NR6A1: variants seen among roughly 807,000 people sequenced by gnomAD.
The protein encoded by NR6A1 is retinoic acid receptor-related testis-associated receptor.
In NR6A1, 7 loss-of-function variants were observed where a neutral mutation model predicts 59.1. That is an observed-to-expected ratio of 0.12 (90% confidence interval 0.07 to 0.22). The LOEUF (loss-of-function observed/expected upper bound fraction) is 0.22. Ranked by LOEUF, NR6A1 falls within the 10% of genes least tolerant of loss-of-function variation. The pLI is 1.00. For missense variants in NR6A1, 468 were observed against 611.6 expected (o/e 0.77, Z 2.48); for synonymous variants, 243 against 236.1 (o/e 1.03, Z -0.27).
At chr9:124,693,649 T>C in intron 2 of NR6A1, 1 of 520,410 alleles carries the variant, frequency 1.9e-6, no homozygotes, top group Non-Finnish European at 4.0e-6. Flanking sequence ...AGAACTGAGA[T>C]GGAAAAGAAG....
intron 2 of NR6A1, among the ~76,000 whole-genome samples, chr9:124,627,548 T>C (rs1162793411): frequency 6.6e-6 from 1 of 152,178 alleles, no homozygotes; most frequent in East Asian, 1.9e-4. Flanking sequence ...GTAAAGAACA[T>C]CTTAGCAAAT....
At position 124,586,971 on chromosome 9, in the gene NR6A1, G is replaced by A. The variant is rs75002558; in HGVS notation, c.143-32401C>T. ...GAATAAAATGCTATTAAACAGCATC[G>A]CATGCTACAGAGAAATTTTTCATGA... On this transcript the variant is annotated intron_variant, in intron 2 of 9. Coordinates refer to ENST00000487099, the MANE Select transcript of NR6A1 (RefSeq NM_033334.4). 4.3e-3 allele frequency among the ~76,000 whole-genome samples: 655 copies of A among 152,270 alleles called. 3 individuals carry two copies. The highest frequency in any genetic ancestry group is 6.2e-3 in the Non-Finnish European group (425 of 68,016).
chr9:124,628,935 C>T (rs1836338525), intron 2 of NR6A1, among the ~76,000 whole-genome samples: 2 of 152,208 alleles, frequency 1.3e-5, no homozygotes, highest in African/African-American at 2.4e-5. Flanking sequence ...GCTAGGATTA[C>T]AGGCGCGAGC....
intron 1 of NR6A1, among the ~76,000 whole-genome samples, chr9:124,766,462 A>T (rs1173104411): frequency 6.6e-6 from 1 of 152,232 alleles, no homozygotes; most frequent in Non-Finnish European, 1.5e-5. Flanking sequence ...ATTGAAATAC[A>T]AGCGTGTTTA....
intron 1 of NR6A1, among the ~76,000 whole-genome samples, chr9:124,764,288 G>A (rs1840867674): frequency 6.6e-6 from 1 of 152,044 alleles, no homozygotes; most frequent in Non-Finnish European, 1.5e-5. Flanking sequence ...AATGTTTCCT[G>A]AGCTCTAAAC....
intron 2 of NR6A1, among the ~76,000 whole-genome samples, chr9:124,670,500 CTT>C (rs1326213473): frequency 6.7e-6 from 1 of 149,158 alleles, no homozygotes; most frequent in East Asian, 1.9e-4. Flanking sequence ...AATGAAAAGT[CTT>C]AGTATTAAAT....
chr9:124,721,514 T>A (rs1839563327), intron 2 of NR6A1, among the ~76,000 whole-genome samples: 1 of 152,146 alleles, frequency 6.6e-6, no homozygotes, highest in Non-Finnish European at 1.5e-5. Flanking sequence ...ACTAACAGTG[T>A]TGCAGAGAAA....
intron 2 of NR6A1, chr9:124,693,717 C>T: frequency 1.9e-6 from 1 of 534,542 alleles, no homozygotes; most frequent in South Asian, 1.4e-5. Flanking sequence ...ACACTGATGG[C>T]TGCACTCAAC....
intron 8 of NR6A1, among the ~76,000 whole-genome samples, chr9:124,525,283 A>AC (rs2131318549): frequency 8.4e-6 from 1 of 118,758 alleles, no homozygotes; most frequent in South Asian, 3.3e-4. Flanking sequence ...CATGCTTGTA[A>AC]AACACACACA....
intron 2 of NR6A1, among the ~76,000 whole-genome samples, chr9:124,655,781 A>G (rs1837239800): frequency 6.6e-6 from 1 of 152,242 alleles, no homozygotes; most frequent in Admixed American, 6.5e-5. Flanking sequence ...TTATAAAGTG[A>G]AAAGAGCTTC....
chr9:124,770,667 G>A (rs1841115735), intron 1 of NR6A1, among the ~76,000 whole-genome samples: 1 of 138,708 alleles, frequency 7.2e-6, no homozygotes, highest in South Asian at 2.6e-4. Context: ...AAGACAGGGG[G>A]AGGGGACCCG....
chr9:124,590,061 CAAAAAAAAAAAAAAAAAA>C (rs71372976), intron 2 of NR6A1, among the ~76,000 whole-genome samples: 4 of 30,868 alleles, frequency 1.3e-4, no homozygotes, highest in Non-Finnish European at 2.5e-4. Context: ...AAGACTCTGT[CAAAAAAAAAAAAAAAAAA>C]AAAAAAAAAA....
intron 2 of NR6A1, 56 bp downstream of exon 2, chr9:124,733,252 G>T: frequency 7.9e-7 from 1 of 1,259,956 alleles, no homozygotes; most frequent in Non-Finnish European, 1.2e-6. Flanking sequence ...TCACTTAAAA[G>T]TGTACACACA....
chr9:124,750,679 G>C (rs781776745), intron 1 of NR6A1, among the ~76,000 whole-genome samples: 16 of 152,034 alleles, frequency 1.1e-4, no homozygotes, highest in Non-Finnish European at 2.2e-4. Context: ...AGAATGGCGT[G>C]AACCCAGGAG....
intron 2 of NR6A1, among the ~76,000 whole-genome samples, chr9:124,582,624 T>C (rs894568873): frequency 1.3e-5 from 2 of 151,188 alleles, no homozygotes; most frequent in Non-Finnish European, 2.9e-5. Flanking sequence ...GAGTGGCCCA[T>C]GCCTGTAATC....
chr9:124,608,854 T>C (rs1417007776), intron 2 of NR6A1, among the ~76,000 whole-genome samples: 4 of 152,240 alleles, frequency 2.6e-5, no homozygotes, highest in African/African-American at 9.6e-5. Context: ...TGTGAGATGG[T>C]ATCTCATTAT....
chr9:124,661,874 T>C (rs1159790950), intron 2 of NR6A1, among the ~76,000 whole-genome samples: 5 of 152,222 alleles, frequency 3.3e-5, no homozygotes, highest in Non-Finnish European at 7.3e-5. Context: ...GTGACTATCA[T>C]ATGGGATAGC....
Position 124,643,122 on chromosome 9 carries a change from A to T in NR6A1, c.143-88552T>A, listed in dbSNP as rs1460362687. On this transcript the variant is annotated intron_variant, in intron 2 of 9. Coordinates refer to ENST00000487099, the MANE Select transcript of NR6A1 (RefSeq NM_033334.4). ...CGGGTGGGGGGGGGGAACAAAAACA[A>T]GCTAAAAGACATGACTGACAATGAA... Among the ~76,000 whole-genome samples, 3 of 151,900 alleles carry T rather than the reference A, an allele frequency of 2.0e-5. No individual in the cohort carries two copies. The East Asian group carries it at 5.8e-4, about 30-fold the overall frequency.
At position 124,520,525 on chromosome 9, in the gene NR6A1, C is replaced by T. The variant is rs145150472; in HGVS notation, c.*2180G>A. 7.9e-5 allele frequency: 12 copies of T among 152,350 alleles called. No individual in the cohort carries two copies. In the East Asian group the frequency reaches 2.3e-3, roughly 29 times the overall value. 9.4% of individuals were successfully genotyped at this position (152,350 alleles called of 1,614,324 possible). On this transcript the variant is annotated 3_prime_UTR_variant, in exon 10 of 10. Coordinates refer to ENST00000487099, the MANE Select transcript of NR6A1 (RefSeq NM_033334.4). ...TTCTTGCCTCATCAGAGAGCAATTT[C>T]TTTTGACACCCAACACAACGGGTAA...
Sources: allele counts gnomAD v4.1 joint callset (sites outside exome capture counted in the v4.1 genomes callset), GRCh38; gene constraint gnomAD v4.1.1; transcripts MANE v1.5; gene names NCBI Gene and HGNC (gene_info 2026-07-23, HGNC 2026-07-21).